DLG2: variants seen among roughly 807,000 people sequenced by gnomAD.
DLG2 encodes disks large homolog 2.
In DLG2, 45 loss-of-function variants were observed where a neutral mutation model predicts 132.5. The observed-to-expected ratio is 0.34, with a 90% CI of 0.27 to 0.44. The LOEUF (loss-of-function observed/expected upper bound fraction) is 0.44. DLG2 is among the 20% of genes least tolerant of loss of function. DLG2 has a pLI of 1.00. For synonymous variants in DLG2, 424 were observed against 419.6 expected (o/e 1.01, Z -0.13); for missense variants, 1,045 against 1,196.9 (o/e 0.87, Z 1.87).
At chr11:84,793,061 C>A (rs1040916763) in intron 6 of DLG2, among the ~76,000 whole-genome samples, 5 of 151,998 alleles carry the variant, frequency 3.3e-5, no homozygotes, top group African/African-American at 7.2e-5. Context: ...CTATAAATTT[C>A]CCACTTAGTA....
At chr11:84,918,723 T>C (rs1428212837) in intron 6 of DLG2, among the ~76,000 whole-genome samples, 2 of 152,198 alleles carry the variant, frequency 1.3e-5, no homozygotes, top group African/African-American at 4.8e-5. Context: ...GGTTTGCGAT[T>C]GGCAAATCCA....
At position 84,839,249 on chromosome 11, in the gene DLG2, G is replaced by T. The variant is rs4486653; in HGVS notation, c.357+272412C>A. 4.6e-5 allele frequency among the ~76,000 whole-genome samples: 7 copies of T among 152,018 alleles called. No individual in the cohort carries two copies. In the South Asian group the frequency reaches 1.4e-3, roughly 31 times the overall value. On this transcript the variant is annotated intron_variant, in intron 6 of 27. Transcript: ENST00000376104. ...GAGTGAATTCCCATTCACAATTGCT[G>T]CAAAGAGAATAAAATACCTAAGAAT...
intron 6 of DLG2, among the ~76,000 whole-genome samples, chr11:85,075,953 G>A (rs1448256630): frequency 6.6e-6 from 1 of 151,884 alleles, no homozygotes; most frequent in Non-Finnish European, 1.5e-5. Flanking sequence ...GGGGGATACA[G>A]GAACAGGAAC....
At chr11:84,251,091 A>G in intron 8 of DLG2, 147 bp downstream of exon 8, 1 of 516,910 alleles carries the variant, frequency 1.9e-6, no homozygotes, top group Non-Finnish European at 3.4e-6. Context: ...CAAGATTTAG[A>G]AATTATTAAA....
intron 6 of DLG2, among the ~76,000 whole-genome samples, chr11:84,595,571 C>G (rs1368750513): frequency 6.6e-6 from 1 of 151,672 alleles, no homozygotes; most frequent in African/African-American, 2.4e-5. Flanking sequence ...GGAGAGTCTA[C>G]AGACACCAGG....
At chr11:84,542,723 G>GA (rs1293315256) in intron 6 of DLG2, among the ~76,000 whole-genome samples, 1 of 152,056 alleles carries the variant, frequency 6.6e-6, no homozygotes, top group African/African-American at 2.4e-5. Flanking sequence ...GTGAATCTCA[G>GA]AAAAAAACAG....
chr11:85,332,553 G>A (rs1203711658), intron 3 of DLG2, among the ~76,000 whole-genome samples: 2 of 152,042 alleles, frequency 1.3e-5, no homozygotes, highest in East Asian at 1.9e-4. Context: ...AGAATGATAC[G>A]TTTTAGATTT....
At chr11:83,837,983 C>T (rs1379890969) in intron 16 of DLG2, among the ~76,000 whole-genome samples, 2 of 152,078 alleles carry the variant, frequency 1.3e-5, no homozygotes, top group African/African-American at 4.8e-5. Context: ...TCCCCCTTTC[C>T]CCAGAATAAA....
chr11:85,425,702 C>T (rs890148545), intron 3 of DLG2, among the ~76,000 whole-genome samples: 2 of 152,122 alleles, frequency 1.3e-5, no homozygotes, highest in African/African-American at 4.8e-5. Context: ...CTACAGCTCC[C>T]AGCATGAGCG....
At chr11:83,766,095 C>CTT (rs35863223) in intron 18 of DLG2, among the ~76,000 whole-genome samples, 11 of 133,672 alleles carry the variant, frequency 8.2e-5, no homozygotes, top group South Asian at 2.4e-4. Flanking sequence ...CCACTGAATG[C>CTT]TTTTTTTTTT....
In DLG2 at chr11:85,421,262, T is replaced by C. The variant is rs142997074; in HGVS notation, c.41-135897A>G. 3.0e-3 allele frequency among the ~76,000 whole-genome samples: 464 copies of C among 152,172 alleles called. 1 individual carries two copies. Among genetic ancestry groups the C allele is most frequent in the African/African-American group, 0.011 (447 of 41,560 alleles). On this transcript the variant is annotated intron_variant, in intron 3 of 27. Coordinates refer to ENST00000376104, the MANE Select transcript of DLG2 (RefSeq NM_001142699.3). ...GCATTTCCCTGCTTCAGCTTGTCCT[T>C]TGTGGGTTGCACCCACTGTTTAACC...
chr11:83,624,213 A>C (rs2062106784), intron 19 of DLG2, among the ~76,000 whole-genome samples: 1 of 152,262 alleles, frequency 6.6e-6, no homozygotes, highest in South Asian at 2.1e-4. Flanking sequence ...AACAGTAATG[A>C]GATCTGGATT....
chr11:85,448,924 C>T (rs1254606600), intron 3 of DLG2, among the ~76,000 whole-genome samples: 3 of 151,998 alleles, frequency 2.0e-5, no homozygotes, highest in Non-Finnish European at 4.4e-5. Flanking sequence ...TCTCCCTCTC[C>T]CTCCTCCTCT....
intron 11 of DLG2, among the ~76,000 whole-genome samples, chr11:83,985,572 C>T (rs917670368): frequency 1.3e-5 from 2 of 152,026 alleles, no homozygotes; most frequent in Non-Finnish European, 1.5e-5. Context: ...GTGTTCTCAT[C>T]ATTCAGCTCC....
At position 85,449,399 on chromosome 11, in the gene DLG2, A is replaced by C. The variant is rs78973328; in HGVS notation, c.40+149258T>G. ...TTTAACTCTATCCTTTATTTCATTA[A>C]TTTATAATTTTCTTTTGTATAATCT... On this transcript the variant is annotated intron_variant, in intron 3 of 27. Transcript: ENST00000376104. Among the ~76,000 whole-genome samples the C allele has an allele frequency of 2.8e-4, 43 of 151,932 alleles. No homozygotes were observed. The East Asian group carries it at 7.5e-3, about 27-fold the overall frequency.
intron 18 of DLG2, among the ~76,000 whole-genome samples, chr11:83,674,169 T>A (rs2077301213): frequency 6.6e-6 from 1 of 152,208 alleles, no homozygotes; most frequent in African/African-American, 2.4e-5. Context: ...ATCATGGAGA[T>A]GTGTGAGAGT....
At chr11:84,906,381 A>AACACACACACACACACACACACACACAC (rs35833007) in intron 6 of DLG2, among the ~76,000 whole-genome samples, 1 of 144,206 alleles carries the variant, frequency 6.9e-6, no homozygotes, top group Admixed American at 6.9e-5. Context: ...CAGCAAGGCT[A>AACACACACACACACACACACACACACAC]ACACACACAC....
At chr11:85,134,402 G>A (rs1478274663) in intron 5 of DLG2, among the ~76,000 whole-genome samples, 1 of 148,486 alleles carries the variant, frequency 6.7e-6, no homozygotes, top group East Asian at 2.0e-4. Flanking sequence ...AGTGGCGGGC[G>A]CCTGTAGTCC....
chr11:84,281,689 C>A (rs895308763), intron 7 of DLG2, among the ~76,000 whole-genome samples: 45 of 145,406 alleles, frequency 3.1e-4, no homozygotes, highest in African/African-American at 1.1e-3. Context: ...GAAAAAAAAA[C>A]CCAAAAATGA....
Sources: gnomAD v4.1 joint callset for allele counts (sites outside exome capture counted in the v4.1 genomes callset) on GRCh38, gnomAD v4.1.1 for gene constraint, MANE v1.5 for transcripts, NCBI Gene and HGNC (gene_info 2026-07-23, HGNC 2026-07-21) for gene names.